The following CEP44 variants were observed in gnomAD, a reference collection of about 807,000 sequenced individuals.
The protein encoded by CEP44 is centrosomal protein of 44 kDa.
Under a neutral mutation model 46.7 loss-of-function variants are expected in CEP44, and 45 were observed. The observed-to-expected ratio is 0.96, with a 90% CI of 0.76 to 1.24. The LOEUF is 1.24. CEP44 is among the 50% of genes most tolerant of loss of function. CEP44 has a pLI of 0.00. For synonymous variants in CEP44, 142 were observed against 146.0 expected, an observed-to-expected ratio of 0.97 and a Z score of 0.20; for missense variants, 475 against 459.7, an observed-to-expected ratio of 1.03 and a Z score of -0.30.
At chr4:174,295,216 C>T (rs1305415008) in intron 1 of CEP44, among the ~76,000 whole-genome samples, 2 of 150,570 alleles carry the variant, frequency 1.3e-5, no homozygotes, top group African/African-American at 2.4e-5. Flanking sequence ...CGGAGGGGCT[C>T]CTCACTTCTC....
At chr4:174,295,936 A>T (rs146568731) in intron 1 of CEP44, among the ~76,000 whole-genome samples, 1 of 152,232 alleles carries the variant, frequency 6.6e-6, no homozygotes, top group Non-Finnish European at 1.5e-5. Context: ...TGCTTTTTCT[A>T]CGTCCGTTGA....
chr4:174,315,854 A>T (rs1173006570), intron 9 of CEP44, among the ~76,000 whole-genome samples: 1 of 151,468 alleles, frequency 6.6e-6, no homozygotes, highest in East Asian at 1.9e-4. Flanking sequence ...AAAAAAAAAA[A>T]AAAAAGAAAA....
At position 174,305,587 on chromosome 4, in the gene CEP44, C is replaced by T. The variant is rs544938876; in HGVS notation, c.507+1218C>T. On this transcript the variant is annotated intron_variant, in intron 6 of 11. Coordinates refer to ENST00000503780, the MANE Select transcript of CEP44 (RefSeq NM_001040157.3). ...GACAATATAAAGAATGATACAAAGC[C>T]GCCATTTTTGAATAAGTGCATGTAG... Among the ~76,000 whole-genome samples the T allele has an allele frequency of 3.9e-5, 6 of 152,268 alleles. No individual in the cohort carries two copies. The East Asian group carries it at 5.8e-4, about 15-fold the overall frequency.
chr4:174,316,455 T>G, intron 10 of CEP44, 75 bp from the exon 11 acceptor site: 1 of 1,415,866 alleles, frequency 7.1e-7, no homozygotes, highest in African/African-American at 1.4e-5. Flanking sequence ...AACTGTGTTT[T>G]GTACATTCTC....
At chr4:174,328,028 TATTAAA>T (rs1406527147) in intron 8 of CEP44, among the ~76,000 whole-genome samples, 5 of 152,206 alleles carry the variant, frequency 3.3e-5, no homozygotes, top group African/African-American at 1.2e-4. Flanking sequence ...ATAAATTTGA[TATTAAA>T]ATTAAATACT....
In CEP44 at chr4:174,331,473, C is replaced by A. The variant is rs1172332694; in HGVS notation, c.1087-9C>A. On this transcript the variant is annotated splice_polypyrimidine_tract_variant and intron_variant, in intron 8 of 8. Transcript: ENST00000426172. The surrounding 1 kb of genome is among the most constrained non-coding windows in gnomAD (Gnocchi z 4.5). ...TATTTTAATGTATAATTTTGTGTTT[C>A]CTTTCTAGAATTTTCCTGCATGGAG... The A allele has an allele frequency of 6.4e-7, 1 of 1,551,042 alleles. No homozygotes were observed. The highest frequency in any genetic ancestry group is 1.2e-5 in the South Asian group (1 of 84,010).
chr4:174,308,965 A>T, intron 7 of CEP44, 106 bp downstream of exon 7: 3 of 951,510 alleles, frequency 3.2e-6, no homozygotes, highest in Non-Finnish European at 4.8e-6. Context: ...TTGAATTATT[A>T]ATCATGACAT....
rs769157129 is a variant in CEP44, at chr4:174,309,929, C to G, written c.758C>G (p.Ser253Trp). ...CAAGAAAATCTTAAGAAACTGACTT[C>G]GATAGAGAAAAGGTTAGACTGTTTG... ...ECQENLKKLT[S>W]IEKRLDCLEQ... The change falls in exon 8 of 12, where the codon TCG (serine) becomes TGG (tryptophan). Residue 253 changes from serine (S) to tryptophan (W), a missense_variant. Coordinates refer to ENST00000503780, the MANE Select transcript of CEP44 (RefSeq NM_001040157.3). The surrounding 1 kb of genome is among the most constrained non-coding windows in gnomAD (Gnocchi z 5.3). 1.9e-6 allele frequency: 3 copies of G among 1,612,036 alleles called. No individual in the cohort carries two copies. The highest frequency in any genetic ancestry group is 1.3e-5 in the African/African-American group (1 of 74,742).
At position 174,326,633 on chromosome 4, in the gene CEP44, A is replaced by C. The variant is rs1029436458; in HGVS notation, c.1087-4849A>C. Among the ~76,000 whole-genome samples, 1 of 151,914 alleles carries C rather than the reference A, an allele frequency of 6.6e-6. No individual in the cohort carries two copies. The highest frequency in any genetic ancestry group is 1.5e-5 in the Non-Finnish European group (1 of 67,910). ...TCATGTAGATCCACATTTCTTCTTG[A>C]TATAATTTTCCTTCTGCCTGAAGGG... is the stretch of plus-strand genomic sequence containing the variant. On this transcript the variant is annotated intron_variant, in intron 8 of 8. Coordinates refer to the CEP44 transcript ENST00000426172. The surrounding 1 kb of genome is among the most constrained non-coding windows in gnomAD (Gnocchi z 4.8).
At chr4:174,315,894 A>T (rs897727370) in intron 9 of CEP44, among the ~76,000 whole-genome samples, 1 of 151,556 alleles carries the variant, frequency 6.6e-6, no homozygotes, top group South Asian at 2.1e-4. Flanking sequence ...AATAGGTTAT[A>T]TTTTAAAATA....
chr4:174,330,001 G>A (rs949244657), intron 8 of CEP44, among the ~76,000 whole-genome samples: 3 of 152,088 alleles, frequency 2.0e-5, no homozygotes, highest in African/African-American at 4.8e-5. Context: ...TTTTTATTCA[G>A]AATATGTTCT....
At chr4:174,295,347 C>T (rs1193280442) in intron 1 of CEP44, among the ~76,000 whole-genome samples, 9 of 148,406 alleles carry the variant, frequency 6.1e-5, no homozygotes, top group Middle Eastern at 3.6e-3. Flanking sequence ...ACATCCCAGA[C>T]GGGGCGGCAG....
intron 2 of CEP44, among the ~76,000 whole-genome samples, chr4:174,298,321 G>A (rs112494812): frequency 0.031 from 4,703 of 150,598 alleles, 141 homozygotes; most frequent in African/African-American, 0.081. Flanking sequence ...GACTACAGGC[G>A]CCTGCCACTA....
chr4:174,300,018 C>T (rs1462436621), intron 3 of CEP44, among the ~76,000 whole-genome samples: 1 of 152,018 alleles, frequency 6.6e-6, no homozygotes, highest in East Asian at 1.9e-4. Flanking sequence ...CTGTGGAATC[C>T]CCCCATCTAG....
chr4:174,304,608 A>G (rs1740171374), intron 6 of CEP44, among the ~76,000 whole-genome samples: 1 of 152,232 alleles, frequency 6.6e-6, no homozygotes, highest in Non-Finnish European at 1.5e-5. Context: ...ATTCTGCCGG[A>G]TTTCCTAAAC....
Position 174,308,714 on chromosome 4 carries a change from T to C in CEP44, c.533T>C (p.Leu178Ser). The C allele has an allele frequency of 6.2e-7, 1 of 1,609,364 alleles. No individual in the cohort carries two copies. The highest frequency in any genetic ancestry group is 8.5e-7 in the Non-Finnish European group (1 of 1,176,662). ...GKKKAVVIRH[L>S]YNEDNVDISE... ...AAGAAAGCTGTGGTGATTCGTCACTTGTATAATGAAGATAATGTTGACATT... is the reference window on the plus strand; with the variant it reads ...AAGAAAGCTGTGGTGATTCGTCACTCGTATAATGAAGATAATGTTGACATT... Residue 178 changes from leucine to serine, a missense_variant, in exon 7 of 12, where the codon TTG (leucine) becomes TCG (serine). By Grantham distance (145) the Leu-to-Ser change is moderately radical. Coordinates refer to ENST00000503780, the MANE Select transcript of CEP44 (RefSeq NM_001040157.3).
At chr4:174,307,212 T>C (rs1740514072) in intron 6 of CEP44, among the ~76,000 whole-genome samples, 1 of 152,086 alleles carries the variant, frequency 6.6e-6, no homozygotes, top group Non-Finnish European at 1.5e-5. Context: ...CTTCAAACTA[T>C]ACTACAGGGC....
chr4:174,328,877 A>G (rs1246503311), intron 8 of CEP44, among the ~76,000 whole-genome samples: 1 of 152,218 alleles, frequency 6.6e-6, no homozygotes, highest in African/African-American at 2.4e-5. Context: ...CTGAAATTAC[A>G]TAGAAAAACT....
At chr4:174,294,699 G>A (rs1336296366) in intron 1 of CEP44, among the ~76,000 whole-genome samples, 1 of 149,546 alleles carries the variant, frequency 6.7e-6, no homozygotes, top group African/African-American at 2.5e-5. Context: ...CCTCCCGGAA[G>A]GGGTGGCTGG....
Sources: allele counts gnomAD v4.1 joint callset (sites outside exome capture counted in the v4.1 genomes callset), GRCh38; gene constraint gnomAD v4.1.1; non-coding constraint Gnocchi (gnomAD v3.1); transcripts MANE v1.5; gene names NCBI Gene and HGNC (gene_info 2026-07-23, HGNC 2026-07-21).